CES1: variants seen among roughly 807,000 people sequenced by gnomAD.
CES1 encodes carboxylesterase 1, also known as liver carboxylesterase 1.
A neutral mutation model predicts 53.0 loss-of-function variants in CES1; 50 were observed. That is an observed-to-expected ratio of 0.94 (90% CI 0.75 to 1.19). The LOEUF (loss-of-function observed/expected upper bound fraction) is 1.19, where lower values mean the gene tolerates loss of function less well. Ranked by LOEUF, CES1 falls within the 50% of genes most tolerant of loss-of-function variation. CES1 has a pLI of 0.00. For synonymous variants in CES1, 202 were observed against 210.1 expected, an observed-to-expected ratio of 0.96 and a Z score of 0.33; for missense variants, 534 against 538.0, an observed-to-expected ratio of 0.99 and a Z score of 0.07.
intron 3 of CES1, 132 bp downstream of exon 3, chr16:55,826,018 GC>G: frequency 8.9e-7 from 1 of 1,125,712 alleles, no homozygotes; most frequent in Non-Finnish European, 1.4e-6. Flanking sequence ...TCCTGTGGAG[GC>G]CCTGGGGTCT....
intron 8 of CES1, among the ~76,000 whole-genome samples, chr16:55,814,244 C>G (rs1281079689): frequency 6.6e-6 from 1 of 152,168 alleles, no homozygotes; most frequent in Non-Finnish European, 1.5e-5. Context: ...TGATCCATGT[C>G]TTAATTTTAG....
chr16:55,816,809 C>T, intron 8 of CES1, 115 bp downstream of exon 8: 1 of 1,302,862 alleles, frequency 7.7e-7, no homozygotes. Context: ...GCCTCAGAAA[C>T]AAACACGCAG....
chr16:55,821,762 C>T (rs868089603), intron 4 of CES1, among the ~76,000 whole-genome samples: 5 of 152,172 alleles, frequency 3.3e-5, no homozygotes, highest in African/African-American at 1.2e-4. Context: ...AGCTAGAGCA[C>T]ATCTGAGAGC....
intron 1 of CES1, among the ~76,000 whole-genome samples, chr16:55,829,247 G>C (rs1342362904): frequency 3.3e-5 from 5 of 152,332 alleles, no homozygotes; most frequent in African/African-American, 9.6e-5. Context: ...AAGACATTTA[G>C]CTTCCCCCTT....
Position 55,820,539 on chromosome 16 carries a change from C to T in CES1, c.694-60G>A, listed in dbSNP as rs112115572. Reference sequence around the variant, plus strand: ...TCAGGAGTGGGGTCAGTGACTCACTCGCTATTCCAGGCTAGATCTACTCCA... The same window carrying T: ...TCAGGAGTGGGGTCAGTGACTCACTTGCTATTCCAGGCTAGATCTACTCCA... On this transcript the variant is annotated intron_variant, in intron 5 of 13. Coordinates refer to ENST00000360526, the MANE Select transcript of CES1 (RefSeq NM_001025195.2). 89 of 1,607,324 alleles carry T rather than the reference C, an allele frequency of 5.5e-5. 1 individual carries two copies. In the African/African-American group the frequency reaches 1.0e-3, roughly 18 times the overall value.
At chr16:55,826,589 G>T (rs2032428132) in intron 2 of CES1, among the ~76,000 whole-genome samples, 1 of 152,180 alleles carries the variant, frequency 6.6e-6, no homozygotes, top group Non-Finnish European at 1.5e-5. Flanking sequence ...ATCCTCCCTG[G>T]GAGGTGACAT....
At chr16:55,829,834 G>T (rs377531661) in intron 1 of CES1, among the ~76,000 whole-genome samples, 2,365 of 152,166 alleles carry the variant, frequency 0.016, 54 homozygotes, top group African/African-American at 0.054. Flanking sequence ...CTCCATTCTT[G>T]CAGCACGGAC....
At chr16:55,809,706 C>T (rs193024564) in intron 11 of CES1, among the ~76,000 whole-genome samples, 68 of 152,332 alleles carry the variant, frequency 4.5e-4, no homozygotes, top group African/African-American at 1.5e-3. Context: ...CTCCCACACC[C>T]GCCCTGGCTC....
intron 8 of CES1, among the ~76,000 whole-genome samples, chr16:55,813,857 G>T (rs1597070894): frequency 6.6e-6 from 1 of 152,232 alleles, no homozygotes; most frequent in East Asian, 1.9e-4. Flanking sequence ...CCGCGAAGAG[G>T]ACACTTGTAA....
At position 55,828,962 on chromosome 16, in the gene CES1, G is replaced by A; in HGVS notation, c.65C>T (p.Ser22Phe). Residue 22 changes from serine (S) to phenylalanine (F), a missense_variant, in exon 2 of 14, where the codon TCC becomes TTC. Transcript: ENST00000360526. ...SASAAWAGHP[S>F]SPPVVDTVHG... ...CACGGTGTCCACCACAGGTGGCGAG[G>A]ACGGATGCCCTGCTGGACATGGAGA... 2 of 1,610,396 alleles carry A rather than the reference G, an allele frequency of 1.2e-6. No homozygotes were observed. Among genetic ancestry groups the A allele is most frequent in the Non-Finnish European group, 1.7e-6 (2 of 1,178,324 alleles).
chr16:55,828,703 T>C (rs1288326793), intron 2 of CES1, 64 bp downstream of exon 2: 2 of 1,595,586 alleles, frequency 1.3e-6, no homozygotes, highest in Non-Finnish European at 1.7e-6. Flanking sequence ...GTCAGGGGAC[T>C]GCCTTGACTC....
intron 11 of CES1, among the ~76,000 whole-genome samples, chr16:55,808,352 T>C (rs2031528893): frequency 6.6e-6 from 1 of 151,974 alleles, no homozygotes; most frequent in Non-Finnish European, 1.5e-5. Context: ...GCGCACAGAT[T>C]TGGGTAATGA....
In CES1 at chr16:55,832,998, A is replaced by G; in HGVS notation, c.52+6T>C. 1 of 1,551,122 alleles carries G rather than the reference A, an allele frequency of 6.4e-7. No homozygotes were observed. The highest frequency in any genetic ancestry group is 8.9e-7 in the Non-Finnish European group (1 of 1,129,660). On this transcript the variant is annotated splice_donor_region_variant and intron_variant, in intron 1 of 13. Transcript: ENST00000360526. Reference sequence around the variant, plus strand: ...TGCCCCGCATTTTGATTTCAGAAGGACTCACCCCAAGCCGCGGAAGCAGAG... The same window carrying G: ...TGCCCCGCATTTTGATTTCAGAAGGGCTCACCCCAAGCCGCGGAAGCAGAG...
At chr16:55,821,955 T>C (rs57764933) in intron 4 of CES1, among the ~76,000 whole-genome samples, 110,494 of 151,416 alleles carry the variant, frequency 0.73, 41,181 homozygotes, top group Non-Finnish European at 0.82. Flanking sequence ...CAGGGAAGGC[T>C]TTTTGGAGGC....
chr16:55,812,939 T>C lies in CES1; in HGVS notation c.1050A>G (p.Gly350=), dbSNP rs1342059577. Residue 350 remains glycine (G), a synonymous_variant, in exon 9 of 14, where the codon GGA becomes GGG. Transcript: ENST00000360526. The part of the protein sequence containing the change: ...RNFHTVPYMV[G]INKQEFGWLI... ...ACCAGCCAAACTCCTGCTTGTTAATTCCGACCATGTAGGGGACAGTGTGGA... is the reference window on the plus strand; with the variant it reads ...ACCAGCCAAACTCCTGCTTGTTAATCCCGACCATGTAGGGGACAGTGTGGA... 1.2e-6 allele frequency: 2 copies of C among 1,614,140 alleles called. No homozygotes were observed. The highest frequency in any genetic ancestry group is 8.5e-7 in the Non-Finnish European group (1 of 1,179,994).
At position 55,821,222 on chromosome 16, in the gene CES1, C is replaced by A. The variant is rs1419096985; in HGVS notation, c.693+146G>T. On this transcript the variant is annotated intron_variant, in intron 5 of 13. Transcript: ENST00000360526. Reference sequence around the variant, plus strand: ...AGGAGAGCTGGTCTTTAGCTTTCTACCCCCTGATGCTGGGCTGTGAGTAGG... The same window carrying A: ...AGGAGAGCTGGTCTTTAGCTTTCTAACCCCTGATGCTGGGCTGTGAGTAGG... 1.8e-5 allele frequency: 20 copies of A among 1,084,496 alleles called. No homozygotes were observed. In the East Asian group the frequency reaches 2.7e-4, roughly 15 times the overall value. 67.2% of individuals were successfully genotyped at this position (1,084,496 alleles called of 1,614,324 possible).
intron 7 of CES1, among the ~76,000 whole-genome samples, chr16:55,818,772 A>G (rs184614963): frequency 0.014 from 2,145 of 151,890 alleles, 39 homozygotes; most frequent in South Asian, 0.048. Context: ...GGAGGGATGG[A>G]TGGAGTTGGT....
At chr16:55,825,497 G>A (rs2032381803) in intron 3 of CES1, among the ~76,000 whole-genome samples, 1 of 152,228 alleles carries the variant, frequency 6.6e-6, no homozygotes, top group African/African-American at 2.4e-5. Flanking sequence ...AGACAATTAG[G>A]GAGGGAAATT....
chr16:55,831,932 A>T (rs1475767758), intron 1 of CES1, among the ~76,000 whole-genome samples: 4 of 151,946 alleles, frequency 2.6e-5, no homozygotes, highest in Non-Finnish European at 5.9e-5. Flanking sequence ...CCCTCTATGT[A>T]CCATGTGTTT....
Sources: gnomAD v4.1 joint callset for allele counts (sites outside exome capture counted in the v4.1 genomes callset) on GRCh38, gnomAD v4.1.1 for gene constraint, MANE v1.5 for transcripts, NCBI Gene and HGNC (gene_info 2026-07-23, HGNC 2026-07-21) for gene names.